SLC4A3: variants seen among roughly 807,000 people sequenced by gnomAD.
SLC4A3 encodes anion exchange protein 3.
SLC4A3 carries 47 observed loss-of-function variants against 114.2 expected under a neutral mutation model. The observed-to-expected ratio is 0.41, with a 90% confidence interval of 0.33 to 0.52. The LOEUF is 0.52. Ranked by LOEUF, SLC4A3 falls within the 20% of genes least tolerant of loss-of-function variation. SLC4A3 has a pLI of 0.21. For missense variants in SLC4A3, 1,312 were observed against 1,668.3 expected (o/e 0.79, Z 3.72); for synonymous variants, 693 against 710.3 (o/e 0.98, Z 0.39).
chr2:219,628,012 C>A lies in SLC4A3; in HGVS notation c.20C>A (p.Pro7Gln). 6.3e-7 allele frequency: 1 copy of A among 1,594,846 alleles called. No homozygotes were observed. The highest frequency in any genetic ancestry group is 1.7e-5 in the Admixed American group (1 of 57,588). The part of the protein sequence containing the change: MANGVI[P>Q]PPGGASPLPQ... Reference sequence around the variant, plus strand: ...CTGGCCATGGCCAACGGAGTGATCCCGCCGCCCGGGGGCGCCTCCCCCCTA... The same window carrying A: ...CTGGCCATGGCCAACGGAGTGATCCAGCCGCCCGGGGGCGCCTCCCCCCTA... The change falls in exon 2 of 23, where the codon CCG becomes CAG. Residue 7 changes from proline (P) to glutamine (Q), a missense_variant. Physicochemically the swap from Pro to Gln is moderately conservative, Grantham distance 76. Around this residue, in one of 4 missense-constraint regions of SLC4A3, gnomAD observed 236 missense variants for 212.1 expected, o/e 1.11. Coordinates refer to ENST00000358055, the MANE Select transcript of SLC4A3 (RefSeq NM_005070.4). The surrounding 1 kb of genome is among the most constrained non-coding windows in gnomAD (Gnocchi z 4.8).
rs1276717294 is a variant in SLC4A3 at position 219,634,552 on chromosome 2, G to T, written c.1694G>T (p.Ser565Ile). The change falls in exon 12 of 23, where the codon AGC becomes ATC. Residue 565 changes from serine (S) to isoleucine (I), a missense_variant. Around this residue, in one of 4 missense-constraint regions of SLC4A3, gnomAD observed 771 missense variants for 977.7 expected, o/e 0.79. Transcript: ENST00000358055. ...LFVMLGPSHT[S>I]TDYHELGRSI... ...GTGATGCTGGGGCCCAGCCACACCA[G>T]CACTGACTATCACGAGCTTGGGCGC... The T allele has an allele frequency of 1.2e-6, 2 of 1,614,094 alleles. No homozygotes were observed. Among genetic ancestry groups the T allele is most frequent in the African/African-American group, 1.3e-5 (1 of 74,934 alleles).
Position 219,629,379 on chromosome 2 carries a change from A to G in SLC4A3, c.453A>G (p.Glu151=). 1 of 1,595,574 alleles carries G rather than the reference A, an allele frequency of 6.3e-7. No homozygotes were observed. The highest frequency in any genetic ancestry group is 8.5e-7 in the Non-Finnish European group (1 of 1,170,564). The change falls in exon 4 of 23, where the codon GAA becomes GAG. Residue 151 remains glutamate, a synonymous_variant. Coordinates refer to ENST00000358055, the MANE Select transcript of SLC4A3 (RefSeq NM_005070.4). ...AAGAGGAAGGAGAATCTGAGGCAGA[A>G]CCTGTGGAGCCCCCCCACTCAGGGA... ...EEEEEGESEA[E]PVEPPHSGTP... is the part of the protein sequence containing the mutation.
intron 14 of SLC4A3, 97 bp downstream of exon 14, chr2:219,635,988 G>T (rs1247687054): frequency 1.0e-6 from 1 of 971,852 alleles, no homozygotes; most frequent in African/African-American, 1.6e-5. Context: ...GATCACATTA[G>T]GGGGCCAATG....
Position 219,637,291 on chromosome 2 carries a change from A to ATGTGTTGTGTG in SLC4A3, c.2536-287_2536-286insGTTGTGTGTGT, listed in dbSNP as rs1699154220. On this transcript the variant is annotated intron_variant, in intron 16 of 22. Transcript: ENST00000358055. This position sits in a 1 kb window ranked among gnomAD's most constrained non-coding sequence, Gnocchi z 4.6. ...TGTGCGTGTGTGTGCCTGTGTGTGCATGTTGTGTGTGTTGTGTGTATGTAT... is the reference window on the plus strand; with the variant it reads ...TGTGCGTGTGTGTGCCTGTGTGTGCATGTGTTGTGTGTGTTGTGTGTGTTGTGTGTATGTAT... 1.4e-5 allele frequency among the ~76,000 whole-genome samples: 2 copies of ATGTGTTGTGTG among 148,122 alleles called. No homozygotes were observed. Among genetic ancestry groups the ATGTGTTGTGTG allele is most frequent in the South Asian group, 4.3e-4 (2 of 4,644 alleles).
chr2:219,629,178 G>A lies in SLC4A3; in HGVS notation c.252G>A (p.Pro84=), dbSNP rs954904618. The A allele has an allele frequency of 4.4e-6, 7 of 1,608,004 alleles. No homozygotes were observed. In the African/African-American group the frequency reaches 6.7e-5, roughly 15 times the overall value. The change falls in exon 4 of 23, where the codon CCG becomes CCA. Residue 84 remains proline (P), a synonymous_variant. Coordinates refer to ENST00000358055, the MANE Select transcript of SLC4A3 (RefSeq NM_005070.4). ...HRHTSHHTHH[P]LSARLPPPHK... is the part of the protein sequence containing the mutation. ...ACACATCCCACCACACCCACCACCC[G>A]CTCTCAGCGCGCCTGCCTCCACCCC...
rs1699333789 is a variant in SLC4A3 at position 219,641,743 on chromosome 2, G to C, written c.*15G>C. 3.7e-6 allele frequency: 6 copies of C among 1,606,518 alleles called. No homozygotes were observed. Among genetic ancestry groups the C allele is most frequent in the African/African-American group, 2.7e-5 (2 of 74,758 alleles). ...TGCCAGTGTGACCCTTGAAGACAGT[G>C]CCCCTCAGAGACCCCAAGACCTTAG... On this transcript the variant is annotated 3_prime_UTR_variant, in exon 23 of 23. Coordinates refer to ENST00000358055, the MANE Select transcript of SLC4A3 (RefSeq NM_005070.4). The surrounding 1 kb of genome is among the most constrained non-coding windows in gnomAD (Gnocchi z 4.0).
Position 219,629,942 on chromosome 2 carries a change from G to A in SLC4A3, c.612-211G>A, listed in dbSNP as rs565378506. 5.4e-6 allele frequency: 5 copies of A among 921,928 alleles called. No homozygotes were observed. In the Admixed American group the frequency reaches 1.4e-4, roughly 27 times the overall value. 57.1% of individuals were successfully genotyped at this position (921,928 alleles called of 1,614,324 possible). ...AAGAGGTTAGGAGTTCCCCAGGAGA[G>A]AGTGACAGAGTAGAGAGGGTGAGGA... On this transcript the variant is annotated intron_variant, in intron 5 of 22. Coordinates refer to ENST00000358055, the MANE Select transcript of SLC4A3 (RefSeq NM_005070.4).
Position 219,641,266 on chromosome 2 carries a change from C to T in SLC4A3, c.3621+304C>T, listed in dbSNP as rs960057843. ...CAGGTGGTGCCTGACCAAAAACACC[C>T]GGCTGAGAGGCTACAGGGTTGATGT... On this transcript the variant is annotated intron_variant, in intron 22 of 22. Coordinates refer to ENST00000358055, the MANE Select transcript of SLC4A3 (RefSeq NM_005070.4). The surrounding 1 kb of genome is among the most constrained non-coding windows in gnomAD (Gnocchi z 4.0). Among the ~76,000 whole-genome samples, 45 of 152,230 alleles carry T rather than the reference C, an allele frequency of 3.0e-4. No individual in the cohort carries two copies. The highest frequency in any genetic ancestry group is 4.3e-4 in the African/African-American group (18 of 41,516).
At position 219,636,905 on chromosome 2, in the gene SLC4A3, A is replaced by G. The variant is rs2106198057; in HGVS notation, c.2535+31A>G. 3 of 1,578,490 alleles carry G rather than the reference A, an allele frequency of 1.9e-6. No individual in the cohort carries two copies. In the African/African-American group the frequency reaches 4.0e-5, roughly 21 times the overall value. On this transcript the variant is annotated intron_variant, in intron 16 of 22. Transcript: ENST00000358055. The surrounding 1 kb of genome is among the most constrained non-coding windows in gnomAD (Gnocchi z 5.5). ...GGTCCAGCGAGGTCTTGGGGGTGGC[A>G]GAGATGGAGGTGGACATTGCCCTGG...
At position 219,630,532 on chromosome 2, in the gene SLC4A3, G is replaced by A. The variant is rs879443124; in HGVS notation, c.811+180G>A. Among the ~76,000 whole-genome samples the A allele has an allele frequency of 2.6e-5, 4 of 152,128 alleles. No individual in the cohort carries two copies. Among genetic ancestry groups the A allele is most frequent in the Admixed American group, 6.5e-5 (1 of 15,276 alleles). On this transcript the variant is annotated intron_variant, in intron 6 of 22. Coordinates refer to ENST00000358055, the MANE Select transcript of SLC4A3 (RefSeq NM_005070.4). The surrounding 1 kb of genome is among the most constrained non-coding windows in gnomAD (Gnocchi z 6.9). Reference sequence around the variant, plus strand: ...ACCTCACCCAGCCACCCTCTCTGACGGCCAGAGCTGAGATTTCCTTTCCTG... The same window carrying A: ...ACCTCACCCAGCCACCCTCTCTGACAGCCAGAGCTGAGATTTCCTTTCCTG...
chr2:219,637,609 T>C lies in SLC4A3; in HGVS notation c.2564T>C (p.Phe855Ser). Residue 855 changes from phenylalanine (F) to serine (S), a missense_variant, in exon 17 of 23, where the codon TTC becomes TCC. Coordinates refer to ENST00000358055, the MANE Select transcript of SLC4A3 (RefSeq NM_005070.4). The surrounding 1 kb of genome is among the most constrained non-coding windows in gnomAD (Gnocchi z 4.6). ...KVFTEHPLLP[F>S]YPPEGALEGS... The stretch of plus-strand genomic sequence containing the variant: ...TTCACAGAGCACCCACTGCTGCCGT[T>C]CTACCCCCCTGAGGGGGCCCTGGAG... The C allele has an allele frequency of 1.9e-6, 3 of 1,606,486 alleles. No individual in the cohort carries two copies. The highest frequency in any genetic ancestry group is 2.6e-6 in the Non-Finnish European group (3 of 1,175,040).
chr2:219,633,471 C>T lies in SLC4A3; in HGVS notation c.1461+14C>T. ...GACGCCAAGGAGGTCAGTGCCCTTGCTTTGGCTTGGGCCAGGGGACTGAGA... is the reference window on the plus strand; with the variant it reads ...GACGCCAAGGAGGTCAGTGCCCTTGTTTTGGCTTGGGCCAGGGGACTGAGA... On this transcript the variant is annotated intron_variant, in intron 10 of 22. Coordinates refer to ENST00000358055, the MANE Select transcript of SLC4A3 (RefSeq NM_005070.4). The T allele has an allele frequency of 4.0e-6, 6 of 1,515,486 alleles. No individual in the cohort carries two copies. Among genetic ancestry groups the T allele is most frequent in the Non-Finnish European group, 5.3e-6 (6 of 1,131,660 alleles). 93.9% of individuals were successfully genotyped at this position (1,515,486 alleles called of 1,614,324 possible). A position where few individuals can be genotyped will look rare whatever the true frequency, so the allele number is the denominator to read the frequency against.
rs1698842926 is a variant in SLC4A3, at chr2:219,629,513, G to T, written c.496-67G>T. The T allele has an allele frequency of 1.9e-6, 3 of 1,588,028 alleles. No homozygotes were observed. In the African/African-American group the frequency reaches 4.0e-5, roughly 21 times the overall value. On this transcript the variant is annotated intron_variant, in intron 4 of 22. Transcript: ENST00000358055. ...AGTGCGTGTTGGGGGCCTGTGTGAGGCTGGGTAGGGTTGGGGGCTGTATGG... is the reference window on the plus strand; with the variant it reads ...AGTGCGTGTTGGGGGCCTGTGTGAGTCTGGGTAGGGTTGGGGGCTGTATGG...
At position 219,631,342 on chromosome 2, in the gene SLC4A3, C is replaced by T. The variant is rs893118398; in HGVS notation, c.812-626C>T. On this transcript the variant is annotated intron_variant, in intron 6 of 22. Coordinates refer to ENST00000358055, the MANE Select transcript of SLC4A3 (RefSeq NM_005070.4). The surrounding 1 kb of genome is among the most constrained non-coding windows in gnomAD (Gnocchi z 6.3). ...TTTGGGAGGGATCCAGCCCCCAGTCCTCGAGACTCACTGGCCCCGGAAGAC... is the reference window on the plus strand; with the variant it reads ...TTTGGGAGGGATCCAGCCCCCAGTCTTCGAGACTCACTGGCCCCGGAAGAC... 4.6e-6 allele frequency: 6 copies of T among 1,304,124 alleles called. No individual in the cohort carries two copies. The African/African-American group carries it at 7.6e-5, about 16-fold the overall frequency. 80.8% of individuals were successfully genotyped at this position (1,304,124 alleles called of 1,614,324 possible).
chr2:219,641,124 G>A lies in SLC4A3; in HGVS notation c.3621+162G>A, dbSNP rs982418859. On this transcript the variant is annotated intron_variant, in intron 22 of 22. Coordinates refer to ENST00000358055, the MANE Select transcript of SLC4A3 (RefSeq NM_005070.4). The surrounding 1 kb of genome is among the most constrained non-coding windows in gnomAD (Gnocchi z 4.0). ...TCTTATTTTCACCTGTATAATAGGG[G>A]TGATCATAGACCCTACCTTATAGGA... Among the ~76,000 whole-genome samples, 43 of 152,174 alleles carry A rather than the reference G, an allele frequency of 2.8e-4. No homozygotes were observed. The highest frequency in any genetic ancestry group is 2.9e-5 in the Non-Finnish European group (2 of 68,032).
Position 219,628,178 on chromosome 2 carries a change from AAG to A in SLC4A3, c.51+138_51+139del. ...TGAGCTGGGCTGGGGGTTACGGAGA[AAG>A]AGGGGGGTTTTTGATATTTTCCAGA... On this transcript the variant is annotated intron_variant, in intron 2 of 22. Transcript: ENST00000358055. The surrounding 1 kb of genome is among the most constrained non-coding windows in gnomAD (Gnocchi z 4.8). The A allele has an allele frequency of 3.6e-6, 3 of 824,118 alleles. No homozygotes were observed. Among genetic ancestry groups the A allele is most frequent in the East Asian group, 2.8e-5 (1 of 35,150 alleles). The allele number at this position is 824,118 out of a possible 1,614,324, so 51.1% of individuals were successfully genotyped here. A position where few individuals can be genotyped will look rare whatever the true frequency, so the allele number is the denominator to read the frequency against.
chr2:219,639,389 T>TC lies in SLC4A3; in HGVS notation c.3024-87dup, dbSNP rs773819138. On this transcript the variant is annotated intron_variant, in intron 19 of 22. Transcript: ENST00000358055. This position sits in a 1 kb window ranked among gnomAD's most constrained non-coding sequence, Gnocchi z 5.9. ...AGGGAGAACTGTTGTCTGCACGTCC[T>TC]CCCCCCACCATCTCGTCTCTGTGTG... The TC allele has an allele frequency of 1.4e-6, 2 of 1,445,018 alleles. No individual in the cohort carries two copies. Among genetic ancestry groups the TC allele is most frequent in the Non-Finnish European group, 9.5e-7 (1 of 1,056,354 alleles). 89.5% of individuals were successfully genotyped at this position (1,445,018 alleles called of 1,614,324 possible). A position where few individuals can be genotyped will look rare whatever the true frequency, so the allele number is the denominator to read the frequency against.
chr2:219,633,244 TCC>T, intron 9 of SLC4A3, 28 bp from the exon 10 acceptor site: 1 of 1,535,240 alleles, frequency 6.5e-7, no homozygotes, highest in Admixed American at 1.9e-5. Context: ...GAGCCTCTCC[TCC>T]TCACCTGCCT....
chr2:219,633,448 C>T lies in SLC4A3; in HGVS notation c.1452C>T (p.Asp484=), dbSNP rs118157142. 3.4e-4 allele frequency: 532 copies of T among 1,546,546 alleles called. 4 individuals carry two copies. The East Asian group carries it at 6.0e-3, about 17-fold the overall frequency. ...CCCCACTCTGGCCACATGACCCTGACGCCAAGGAGGTCAGTGCCCTTGCTT... is the reference window on the plus strand; with the variant it reads ...CCCCACTCTGGCCACATGACCCTGATGCCAAGGAGGTCAGTGCCCTTGCTT... ...EPAPLWPHDP[D]AKEKPLHMPG... The change falls in exon 10 of 23, where the codon GAC becomes GAT. Residue 484 remains aspartate (D), a synonymous_variant. Transcript: ENST00000358055.
Sources: gnomAD v4.1 joint callset for allele counts (sites outside exome capture counted in the v4.1 genomes callset) on GRCh38, gnomAD v4.1.1 for gene constraint, gnomAD v4.1.1 regional missense constraint, Gnocchi (gnomAD v3.1) non-coding constraint, MANE v1.5 for transcripts, NCBI Gene and HGNC (gene_info 2026-07-23, HGNC 2026-07-21) for gene names.